Variants in CADPS2 observed in about 807,000 individuals in gnomAD.
CADPS2 encodes calcium-dependent secretion activator 2.
In CADPS2, 93 loss-of-function variants were observed where a neutral mutation model predicts 172.5. The ratio of observed to expected loss-of-function variants is 0.54; its 90% CI spans 0.46 to 0.64. The LOEUF is 0.64. CADPS2 is among the 30% of genes least tolerant of loss of function. The pLI, the probability that CADPS2 is intolerant of heterozygous loss-of-function variation, is 0.00. For missense variants in CADPS2, 1,420 were observed against 1,565.9 expected, an observed-to-expected ratio of 0.91 and a Z score of 1.57; for synonymous variants, 546 against 555.2, an observed-to-expected ratio of 0.98 and a Z score of 0.23.
chr7:122,480,581 C>G (rs913015068), intron 12 of CADPS2, among the ~76,000 whole-genome samples: 28 of 152,200 alleles, frequency 1.8e-4, no homozygotes, highest in African/African-American at 6.0e-4. Flanking sequence ...TTCCACTTAA[C>G]ATATATTGAC....
chr7:122,760,324 T>C (rs1400394358), intron 1 of CADPS2, among the ~76,000 whole-genome samples: 2 of 152,244 alleles, frequency 1.3e-5, no homozygotes, highest in East Asian at 3.9e-4. Context: ...TATTTATAGA[T>C]ATAGTCAACT....
chr7:122,558,667 C>G (rs1421090152), intron 7 of CADPS2, among the ~76,000 whole-genome samples: 1 of 151,990 alleles, frequency 6.6e-6, no homozygotes, highest in East Asian at 1.9e-4. Flanking sequence ...AAAACTAAGA[C>G]TTAAAAAAAT....
chr7:122,753,484 CA>C (rs1254236473), intron 1 of CADPS2, among the ~76,000 whole-genome samples: 1 of 152,168 alleles, frequency 6.6e-6, no homozygotes, highest in East Asian at 1.9e-4. Context: ...GAACCTACTA[CA>C]TACCTGTACT....
At chr7:122,354,136 G>A (rs893837331) in intron 27 of CADPS2, 5 of 151,948 alleles carry the variant, frequency 3.3e-5, no homozygotes, top group Admixed American at 2.6e-4. Flanking sequence ...ATACAGATGC[G>A]ATCAATATGG....
Position 122,790,026 on chromosome 7 carries a change from G to GTTTTTT in CADPS2, c.340-52959_340-52958insAAAAAA, listed in dbSNP as rs771290127. Among the ~76,000 whole-genome samples, 174 of 141,030 alleles carry GTTTTTT rather than the reference G, an allele frequency of 1.2e-3. 2 individuals are homozygous for GTTTTTT. The highest frequency in any genetic ancestry group is 1.6e-3 in the Non-Finnish European group (107 of 66,052). The allele number at this position is 141,030 out of a possible 152,430, so 92.5% of individuals were successfully genotyped here. On this transcript the variant is annotated intron_variant, in intron 1 of 29. Transcript: ENST00000449022. ...ATAAGAATAGGCAAACAAATATTAA[G>GTTTTTT]TGTTTTTTTTTTTTTTTTTTGAAAA... is the stretch of plus-strand genomic sequence containing the variant.
intron 1 of CADPS2, among the ~76,000 whole-genome samples, chr7:122,781,263 AT>A (rs1174059557): frequency 6.6e-6 from 1 of 152,080 alleles, no homozygotes; most frequent in Non-Finnish European, 1.5e-5. Flanking sequence ...TTATAAGAGG[AT>A]TTTCCATGCA....
chr7:122,530,315 C>T (rs1586899810), intron 8 of CADPS2, among the ~76,000 whole-genome samples: 4 of 133,454 alleles, frequency 3.0e-5, no homozygotes, highest in African/African-American at 8.1e-5. Flanking sequence ...CTTAAGTTAG[C>T]TTTTTTTTTT....
chr7:122,802,010 A>C (rs1797765099), intron 1 of CADPS2, among the ~76,000 whole-genome samples: 1 of 152,236 alleles, frequency 6.6e-6, no homozygotes, highest in Non-Finnish European at 1.5e-5. Flanking sequence ...GAAAAGCTAC[A>C]AGATGTCTAA....
chr7:122,738,069 C>T (rs1288254410), intron 1 of CADPS2, among the ~76,000 whole-genome samples: 1 of 152,094 alleles, frequency 6.6e-6, no homozygotes. Context: ...AGAAAATGCT[C>T]TGAACTGGGG....
rs771943751 is a variant in CADPS2, at chr7:122,388,631, T to C, written c.3116A>G (p.Gln1039Arg). ...ATCACTGGCCATTAGTTTAAGTCTTTGCTCTAAGTGGTGGGCAAATTCCTG... is the reference window on the plus strand; with the variant it reads ...ATCACTGGCCATTAGTTTAAGTCTTCGCTCTAAGTGGTGGGCAAATTCCTG... ...PEQEFAHHLE[Q>R]RLKLMASDML... The change falls in exon 23 of 30, where the codon CAA becomes CGA. Residue 1039 changes from glutamine (Q) to arginine (R), a missense_variant. Transcript: ENST00000449022. 1.2e-6 allele frequency: 2 copies of C among 1,610,006 alleles called. No homozygotes were observed. Among genetic ancestry groups the C allele is most frequent in the Non-Finnish European group, 1.7e-6 (2 of 1,177,464 alleles).
At chr7:122,834,957 T>C (rs965712262) in intron 1 of CADPS2, among the ~76,000 whole-genome samples, 2 of 152,056 alleles carry the variant, frequency 1.3e-5, no homozygotes, top group African/African-American at 2.4e-5. Flanking sequence ...AGCACAGAGT[T>C]TGAGAACTGA....
chr7:122,321,060 GT>G lies in CADPS2; in HGVS notation c.3718-723del, dbSNP rs905073104. Among the ~76,000 whole-genome samples the G allele has an allele frequency of 7.9e-5, 12 of 152,254 alleles. No homozygotes were observed. The South Asian group carries it at 2.3e-3, about 29-fold the overall frequency. On this transcript the variant is annotated intron_variant, in intron 29 of 29. Transcript: ENST00000449022. ...ATCAAAAATAGAGTACCATGTTATT[GT>G]TTGTACAATGATTTTCAAGACAACA...
intron 1 of CADPS2, among the ~76,000 whole-genome samples, chr7:122,748,874 AG>A (rs1056089531): frequency 2.0e-5 from 3 of 151,250 alleles, no homozygotes; most frequent in African/African-American, 7.3e-5. Flanking sequence ...TTAAACAATA[AG>A]GGGGTGGGGG....
At chr7:122,445,486 TTC>T (rs1481276292) in intron 15 of CADPS2, among the ~76,000 whole-genome samples, 20 of 152,090 alleles carry the variant, frequency 1.3e-4, no homozygotes, top group African/African-American at 4.8e-4. Flanking sequence ...TAATTTCAAT[TTC>T]TGATTGTTGC....
At chr7:122,883,488 C>T (rs545500539) in intron 1 of CADPS2, among the ~76,000 whole-genome samples, 6 of 152,220 alleles carry the variant, frequency 3.9e-5, no homozygotes, top group Admixed American at 2.0e-4. Flanking sequence ...AAATAAACAA[C>T]GGATTAGTGA....
chr7:122,447,543 A>ATTTTTTTTTTTTTTTTTTTT lies in CADPS2; in HGVS notation c.2288+3811_2288+3830dup, dbSNP rs1159112244. ...CCATGTTGATTTCTTGTTTCGGGGAATTTTTTTTTTTTTTTTTTTTTTTTT... is the reference window on the plus strand; with the variant it reads ...CCATGTTGATTTCTTGTTTCGGGGAATTTTTTTTTTTTTTTTTTTTTTTTTTTTTTTTTTTTTTTTTTTTT... On this transcript the variant is annotated intron_variant, in intron 15 of 29. Transcript: ENST00000449022. Among the ~76,000 whole-genome samples, 141 of 89,786 alleles carry ATTTTTTTTTTTTTTTTTTTT rather than the reference A, an allele frequency of 1.6e-3. 22 individuals carry two copies. Among genetic ancestry groups the ATTTTTTTTTTTTTTTTTTTT allele is most frequent in the East Asian group, 0.01 (26 of 2,594 alleles). 58.9% of individuals were successfully genotyped at this position (89,786 alleles called of 152,430 possible).
intron 1 of CADPS2, among the ~76,000 whole-genome samples, chr7:122,737,821 G>A (rs1468175760): frequency 6.6e-6 from 1 of 152,022 alleles, no homozygotes; most frequent in Admixed American, 6.6e-5. Context: ...GATGAGGGAG[G>A]GATGCCTTGG....
chr7:122,835,106 C>A (rs1404452380), intron 1 of CADPS2, among the ~76,000 whole-genome samples: 2 of 152,210 alleles, frequency 1.3e-5, no homozygotes, highest in African/African-American at 4.8e-5. Flanking sequence ...AATGATCAGG[C>A]AGCAACATTT....
intron 14 of CADPS2, among the ~76,000 whole-genome samples, chr7:122,452,453 T>C (rs2053246643): frequency 6.6e-6 from 1 of 152,248 alleles, no homozygotes; most frequent in Non-Finnish European, 1.5e-5. Context: ...TGCAGTGCAA[T>C]GGCACGATCT....
Sources: allele counts gnomAD v4.1 joint callset (sites outside exome capture counted in the v4.1 genomes callset), GRCh38; gene constraint gnomAD v4.1.1; transcripts MANE v1.5; gene names NCBI Gene and HGNC (gene_info 2026-07-23, HGNC 2026-07-21).